ZNF782: variants seen among roughly 807,000 people sequenced by gnomAD.
ZNF782 encodes the protein zinc finger protein 782.
A neutral mutation model predicts 13.0 loss-of-function variants in ZNF782; 12 were observed. The ratio of observed to expected loss-of-function variants is 0.92; its 90% CI spans 0.59 to 1.50. The LOEUF (loss-of-function observed/expected upper bound fraction) is 1.50. ZNF782 is among the 40% of genes most tolerant of loss of function. ZNF782 has a pLI of 0.00. For synonymous variants in ZNF782, 284 were observed against 283.0 expected (o/e 1.00, Z -0.04); for missense variants, 770 against 822.9 (o/e 0.94, Z 0.79).
rs1270938808 is a variant in ZNF782 at position 96,816,864 on chromosome 9, C to T, written c.*1059G>A. ...AGCCATGGTCATTCAGGATGCTGTC[C>T]GAGATTTGTCCTATGTGACTTTTCT... is the stretch of plus-strand genomic sequence containing the variant. On this transcript the variant is annotated 3_prime_UTR_variant, in exon 6 of 6. Coordinates refer to ENST00000481138, the MANE Select transcript of ZNF782 (RefSeq NM_001001662.3). The T allele has an allele frequency of 2.6e-5, 4 of 152,088 alleles. No homozygotes were observed. The highest frequency in any genetic ancestry group is 2.1e-4 in the South Asian group (1 of 4,828). 9.4% of individuals were successfully genotyped at this position (152,088 alleles called of 1,614,324 possible).
intron 5 of ZNF782, among the ~76,000 whole-genome samples, chr9:96,826,646 C>T (rs1423983221): frequency 6.6e-6 from 1 of 152,146 alleles, no homozygotes; most frequent in Admixed American, 6.5e-5. Flanking sequence ...GTAAGGTTTG[C>T]CCTTGGCTGG....
chr9:96,887,323 AAGGAAGG>A, the ZNF782 span: 13 of 148,648 alleles, frequency 8.7e-5, no homozygotes, highest in African/African-American at 2.9e-4. Flanking sequence ...GGAAGGAAGG[AAGGAAGG>A]AAGGAAGGAA....
chr9:96,903,257 A>C, the ZNF782 span: 365 of 152,014 alleles, frequency 2.4e-3, 8 homozygotes, highest in African/African-American at 8.3e-3. Flanking sequence ...GTTGCCTAAC[A>C]TTTATAGTTG....
Position 96,818,854 on chromosome 9 carries a change from CCT to C in ZNF782, c.1167_1168del (p.Lys392ThrfsTer3), listed in dbSNP as rs772930872. The C allele has an allele frequency of 1.1e-5, 18 of 1,614,168 alleles. No individual in the cohort carries two copies. Among genetic ancestry groups the C allele is most frequent in the Middle Eastern group, 1.7e-4 (1 of 6,060 alleles). On this transcript the variant is annotated frameshift_variant, in exon 6 of 6. Coordinates refer to ENST00000481138, the MANE Select transcript of ZNF782 (RefSeq NM_001001662.3). LOFTEE classifies it low-confidence loss of function (END_TRUNC). ...CTCAGGACATTCATAGGGTTTCTCC[CCT>C]GTGTGACTTTTCTGAGGCCAAATCA...
chr9:96,910,959 TA>T, the ZNF782 span, among the ~76,000 whole-genome samples: 1 of 148,922 alleles, frequency 6.7e-6, no homozygotes, highest in Admixed American at 6.7e-5. Flanking sequence ...AAAAGTACTT[TA>T]AAAAAAGAAA....
chr9:96,868,050 A>G (rs1469944312), intron 1 of ZNF782, among the ~76,000 whole-genome samples: 1 of 152,250 alleles, frequency 6.6e-6, no homozygotes, highest in Non-Finnish European at 1.5e-5. Context: ...CAAAATTCTA[A>G]CCTCGATGTT....
intron 1 of ZNF782, chr9:96,861,646 T>C (rs1196300358): frequency 6.5e-6 from 1 of 154,116 alleles, no homozygotes; most frequent in African/African-American, 2.4e-5. Flanking sequence ...GAAATAGGTA[T>C]ATGAAAAGAT....
the ZNF782 span, among the ~76,000 whole-genome samples, chr9:96,897,111 CCT>C: frequency 2.0e-5 from 3 of 152,260 alleles, no homozygotes; most frequent in East Asian, 5.8e-4. Context: ...TCCTCTGTAT[CCT>C]CTGTGTGGAG....
In ZNF782 at chr9:96,849,160, C is replaced by T. The variant is rs75582001; in HGVS notation, c.15+2787G>A. ...GGAAGACAATTTTTCCATGGACCAG[C>T]GGTGGTGGGGTGGGGATGGTTTCAA... On this transcript the variant is annotated intron_variant, in intron 3 of 5. Transcript: ENST00000481138. Among the ~76,000 whole-genome samples the T allele has an allele frequency of 9.2e-3, 1,408 of 152,230 alleles. 52 individuals are homozygous for T. In the East Asian group the frequency reaches 0.1, roughly 11 times the overall value.
chr9:96,856,717 A>G (rs1006059540), upstream of ZNF782, among the ~76,000 whole-genome samples: 11 of 150,994 alleles, frequency 7.3e-5, no homozygotes, highest in Admixed American at 5.9e-4. Context: ...ATAGATGTAA[A>G]GTAATTCATG....
chr9:96,889,840 C>G, the ZNF782 span: 10 of 152,292 alleles, frequency 6.6e-5, no homozygotes, highest in African/African-American at 2.4e-4. Context: ...TTAATCTCAA[C>G]AAAGAGCTTT....
At chr9:96,901,836 G>A in the ZNF782 span, among the ~76,000 whole-genome samples, 1,078 of 135,382 alleles carry the variant, frequency 8.0e-3, 7 homozygotes, top group African/African-American at 0.029. Context: ...CCAAGATCGC[G>A]CCATTGCACC....
the ZNF782 span, among the ~76,000 whole-genome samples, chr9:96,896,337 G>T: frequency 6.6e-6 from 1 of 152,120 alleles, no homozygotes; most frequent in Non-Finnish European, 1.5e-5. Flanking sequence ...AATCTGAAGG[G>T]ATCTTAATTG....
chr9:96,901,409 C>T, the ZNF782 span, among the ~76,000 whole-genome samples: 6 of 150,038 alleles, frequency 4.0e-5, no homozygotes, highest in South Asian at 6.4e-4. Context: ...GTAACTGGGA[C>T]TACAGATGTG....
intron 1 of ZNF782, among the ~76,000 whole-genome samples, chr9:96,864,404 T>C (rs1851735323): frequency 6.6e-6 from 1 of 152,088 alleles, no homozygotes; most frequent in African/African-American, 2.4e-5. Context: ...TAAGTCCTGA[T>C]TAGCTGATTA....
chr9:96,916,067 T>G, the ZNF782 span, among the ~76,000 whole-genome samples: 1 of 151,854 alleles, frequency 6.6e-6, no homozygotes, highest in Non-Finnish European at 1.5e-5. Flanking sequence ...CATCACGAAA[T>G]GCCAGGTAAG....
chr9:96,901,192 C>T, the ZNF782 span, among the ~76,000 whole-genome samples: 1 of 150,882 alleles, frequency 6.6e-6, no homozygotes, highest in Admixed American at 6.6e-5. Context: ...GGCTATGTTA[C>T]AGTTTTGACA....
At chr9:96,873,009 C>T (rs1183120666) in intron 1 of ZNF782, among the ~76,000 whole-genome samples, 3 of 151,232 alleles carry the variant, frequency 2.0e-5, no homozygotes, top group Non-Finnish European at 4.4e-5. Context: ...TGGCTCAGAC[C>T]ACATAATTTG....
At chr9:96,920,284 T>G in the ZNF782 span, among the ~76,000 whole-genome samples, 2 of 141,534 alleles carry the variant, frequency 1.4e-5, no homozygotes, top group Non-Finnish European at 3.2e-5. Flanking sequence ...TTTTTTTTTT[T>G]GAGATGGAGT....
Sources: allele counts gnomAD v4.1 joint callset (sites outside exome capture counted in the v4.1 genomes callset), GRCh38; gene constraint gnomAD v4.1.1; transcripts MANE v1.5; gene names NCBI Gene and HGNC (gene_info 2026-07-23, HGNC 2026-07-21).